FNBP1: variants seen among roughly 807,000 people sequenced by gnomAD.
FNBP1 encodes formin binding protein 1, also known as formin-binding protein 1.
FNBP1 carries 26 observed loss-of-function variants against 90.6 expected under a neutral mutation model. That is an observed-to-expected ratio of 0.29 (90% CI 0.21 to 0.40). The LOEUF (loss-of-function observed/expected upper bound fraction) is 0.40. FNBP1 is among the 10% of genes least tolerant of loss of function. The probability of loss-of-function intolerance (pLI) is 1.00; values close to 1 mark genes in which losing one functional copy is unlikely to be tolerated. For missense variants in FNBP1, 635 were observed against 768.0 expected (o/e 0.83, Z 2.05); for synonymous variants, 260 against 265.2 (o/e 0.98, Z 0.19).
At chr9:129,930,928 T>C (rs1422441185) in intron 6 of FNBP1, among the ~76,000 whole-genome samples, 2 of 152,158 alleles carry the variant, frequency 1.3e-5, no homozygotes, top group Non-Finnish European at 2.9e-5. Context: ...CAACAGGAAA[T>C]AGGCTGTCTT....
chr9:130,030,826 C>T (rs954400675), intron 1 of FNBP1, among the ~76,000 whole-genome samples: 1 of 152,160 alleles, frequency 6.6e-6, no homozygotes, highest in Non-Finnish European at 1.5e-5. Flanking sequence ...GAGTCACCTC[C>T]AGGCATATTG....
intron 6 of FNBP1, among the ~76,000 whole-genome samples, chr9:129,943,384 C>CTT (rs11415197): frequency 0.013 from 1,298 of 102,572 alleles, 49 homozygotes; most frequent in East Asian, 0.017. Context: ...TCATTAATTG[C>CTT]TTTTTTTTTT....
intron 4 of FNBP1, among the ~76,000 whole-genome samples, chr9:129,972,965 C>T (rs527536456): frequency 9.0e-4 from 137 of 152,298 alleles, no homozygotes; most frequent in African/African-American, 3.2e-3. Context: ...TCATATTTGT[C>T]TTCTCATAAT....
At chr9:129,969,212 A>C (rs1427734922) in intron 4 of FNBP1, among the ~76,000 whole-genome samples, 1 of 152,240 alleles carries the variant, frequency 6.6e-6, no homozygotes, top group Non-Finnish European at 1.5e-5. Context: ...TGACATTTGG[A>C]AATCTATCTA....
chr9:129,948,488 CTGAG>C (rs1564406059), intron 6 of FNBP1, among the ~76,000 whole-genome samples: 1 of 149,430 alleles, frequency 6.7e-6, no homozygotes, highest in East Asian at 2.0e-4. Flanking sequence ...CCTCCGCCTC[CTGAG>C]TAAGTGGGAT....
At chr9:129,910,222 C>A (rs1457628694) in intron 11 of FNBP1, 1 of 455,754 alleles carries the variant, frequency 2.2e-6, no homozygotes, top group Admixed American at 2.4e-5. Context: ...GTGGCTCATG[C>A]CTGTAATTCC....
Position 129,923,848 on chromosome 9 carries a change from C to A in FNBP1, c.1166G>T (p.Arg389Leu), listed in dbSNP as rs769119862. 3 of 1,589,258 alleles carry A rather than the reference C, an allele frequency of 1.9e-6. No individual in the cohort carries two copies. The highest frequency in any genetic ancestry group is 2.6e-6 in the Non-Finnish European group (3 of 1,168,978). Residue 389 changes from arginine to leucine, a missense_variant, in exon 10 of 17, where the codon CGT becomes CTT. By Grantham distance (102) the Arg-to-Leu change is moderately radical. Coordinates refer to ENST00000446176, the MANE Select transcript of FNBP1 (RefSeq NM_015033.3). The part of the protein sequence containing the change: ...PKIHCFRSLK[R>L]GLSLKLGATP... ...GGATTCCGGAGCAGAACTTACCCCA[C>A]GCTTTAGGCTCCTGAAGCAGTGGAT... is the stretch of plus-strand genomic sequence containing the variant.
chr9:129,948,359 T>TTC (rs1308410490), intron 6 of FNBP1, among the ~76,000 whole-genome samples: 1 of 8,320 alleles, frequency 1.2e-4, no homozygotes, highest in Non-Finnish European at 3.4e-4. Context: ...TTGGTGTCTT[T>TTC]TTTTTTTTTT....
chr9:129,901,771 G>C (rs2036989347), intron 13 of FNBP1, among the ~76,000 whole-genome samples: 1 of 152,088 alleles, frequency 6.6e-6, no homozygotes, highest in African/African-American at 2.4e-5. Flanking sequence ...AAGTAGCCGG[G>C]TGTGGTGGTA....
intron 1 of FNBP1, among the ~76,000 whole-genome samples, chr9:130,008,238 A>G (rs948942645): frequency 6.6e-6 from 1 of 151,656 alleles, no homozygotes; most frequent in African/African-American, 2.4e-5. Context: ...GGGTCCCACT[A>G]CTTGGGAGGC....
At chr9:129,919,392 C>A in intron 10 of FNBP1, 1 of 349,282 alleles carries the variant, frequency 2.9e-6, no homozygotes. Flanking sequence ...ATATGAAAAA[C>A]GTACATCCAT....
intron 1 of FNBP1, among the ~76,000 whole-genome samples, chr9:130,024,133 C>CA (rs1351946127): frequency 6.6e-6 from 1 of 152,052 alleles, no homozygotes; most frequent in Non-Finnish European, 1.5e-5. Context: ...TGGCCAGGCT[C>CA]AGTGGCTCAT....
chr9:129,895,623 A>T, intron 16 of FNBP1: 1 of 1,238,408 alleles, frequency 8.1e-7, no homozygotes, highest in African/African-American at 1.5e-5. Context: ...ATAAAATTTC[A>T]TCAGCAAGTG....
At chr9:129,941,962 T>C (rs2044389680) in intron 6 of FNBP1, among the ~76,000 whole-genome samples, 1 of 151,792 alleles carries the variant, frequency 6.6e-6, no homozygotes, top group South Asian at 2.1e-4. Context: ...TCCCAGCTAC[T>C]TGGGAGGCTG....
At chr9:129,912,985 C>T (rs1369695211) in intron 11 of FNBP1, among the ~76,000 whole-genome samples, 4 of 151,874 alleles carry the variant, frequency 2.6e-5, no homozygotes, top group Non-Finnish European at 4.4e-5. Flanking sequence ...TTTGGGAGGC[C>T]GAGGTGAGCG....
At chr9:130,034,040 G>A (rs2059066738) in intron 1 of FNBP1, among the ~76,000 whole-genome samples, 1 of 148,788 alleles carries the variant, frequency 6.7e-6, no homozygotes, top group South Asian at 2.1e-4. Context: ...AAGTTAGACA[G>A]GCCAGCTGCG....
chr9:129,941,087 G>A (rs2044250101), intron 6 of FNBP1, among the ~76,000 whole-genome samples: 1 of 152,076 alleles, frequency 6.6e-6, no homozygotes, highest in South Asian at 2.1e-4. Flanking sequence ...ACAAAGAAAT[G>A]CTATTAAATA....
At position 130,042,531 on chromosome 9, in the gene FNBP1, C is replaced by G. The variant is rs2132472557; in HGVS notation, c.24+421G>C. The stretch of plus-strand genomic sequence containing the variant: ...GCGCCTCCGCGGAGCCAGGACAGAA[C>G]TCGCGGCCGGGGCGCCCCGAGACCC... On this transcript the variant is annotated intron_variant, in intron 1 of 16. Transcript: ENST00000446176. This position sits in a 1 kb window ranked among gnomAD's most constrained non-coding sequence, Gnocchi z 5.5. Among the ~76,000 whole-genome samples, 1 of 152,006 alleles carries G rather than the reference C, an allele frequency of 6.6e-6. No individual in the cohort carries two copies. Among genetic ancestry groups the G allele is most frequent in the East Asian group, 2.0e-4 (1 of 5,126 alleles).
chr9:129,938,021 G>A (rs1471740202), intron 6 of FNBP1, among the ~76,000 whole-genome samples: 2 of 151,956 alleles, frequency 1.3e-5, no homozygotes, highest in African/African-American at 2.4e-5. Flanking sequence ...AAAATTAGTC[G>A]AGTGTGGTGG....
Sources: gnomAD v4.1 joint callset for allele counts (sites outside exome capture counted in the v4.1 genomes callset) on GRCh38, gnomAD v4.1.1 for gene constraint, Gnocchi (gnomAD v3.1) non-coding constraint, MANE v1.5 for transcripts, NCBI Gene and HGNC (gene_info 2026-07-23, HGNC 2026-07-21) for gene names.